Variants in MGAM observed in about 807,000 individuals in gnomAD.
MGAM encodes maltase-glucoamylase, also known as alpha-1,4-glucosidase.
MGAM carries 253 observed loss-of-function variants against 358.8 expected under a neutral mutation model. The observed-to-expected ratio is 0.71, with a 90% CI of 0.64 to 0.78. The LOEUF is 0.78. MGAM is among the 30% of genes least tolerant of loss of function. MGAM has a pLI of 0.00. For synonymous variants in MGAM, 1,105 were observed against 1,227.1 expected (o/e 0.90, Z 2.08); for missense variants, 3,080 against 3,432.6 (o/e 0.90, Z 2.57).
intron 49 of MGAM, among the ~76,000 whole-genome samples, chr7:142,080,007 C>G (rs1384692691): frequency 6.8e-6 from 1 of 146,302 alleles, no homozygotes; most frequent in Non-Finnish European, 1.5e-5. Context: ...AAATATTTGC[C>G]TCTTTCTGGC....
chr7:142,040,933 T>A, intron 21 of MGAM, 87 bp downstream of exon 21: 1 of 1,472,348 alleles, frequency 6.8e-7, no homozygotes, highest in Non-Finnish European at 9.1e-7. Context: ...AACAGCCAGG[T>A]GGTCAGCCTC....
chr7:142,028,475 G>A (rs1554461758), intron 10 of MGAM, among the ~76,000 whole-genome samples: 2 of 152,070 alleles, frequency 1.3e-5, no homozygotes, highest in African/African-American at 2.4e-5. Flanking sequence ...AGGCTGTCAG[G>A]GGAAATACTA....
intron 57 of MGAM, among the ~76,000 whole-genome samples, chr7:142,090,674 G>A (rs1328781255): frequency 6.9e-6 from 1 of 145,776 alleles, no homozygotes; most frequent in Non-Finnish European, 1.6e-5. Context: ...TCCTCATTCT[G>A]TTGCCTCCCC....
chr7:142,041,975 T>TA (rs1563145196), intron 21 of MGAM, among the ~76,000 whole-genome samples: 1 of 23,656 alleles, frequency 4.2e-5, no homozygotes, highest in Non-Finnish European at 7.8e-5. Flanking sequence ...ATATATTATA[T>TA]ATATATAATA....
intron 27 of MGAM, 37 bp downstream of exon 27, chr7:142,054,945 A>G (rs780054192): frequency 6.0e-5 from 97 of 1,605,312 alleles, no homozygotes; most frequent in Non-Finnish European, 7.8e-5. Flanking sequence ...GTTGATGGCT[A>G]CCTGCGCCTT....
chr7:142,036,876 G>A lies in MGAM; in HGVS notation c.2130G>A (p.Arg710=), dbSNP rs1554466120. The A allele has an allele frequency of 6.2e-7, 1 of 1,613,508 alleles. No individual in the cohort carries two copies. The highest frequency in any genetic ancestry group is 1.7e-5 in the Admixed American group (1 of 60,002). Residue 710 remains arginine (R), a synonymous_variant, in exon 18 of 71, where the codon AGG becomes AGA. Coordinates refer to ENST00000475668, the MANE Select transcript of MGAM (RefSeq NM_001365693.1). The part of the protein sequence containing the change: ...GADSLLLNSS[R]HYLNIRYTLL... ...ACTCCCTGCTGTTGAATTCCTCCAG[G>A]CACTACCTTAACATCCGCTATACTC...
chr7:142,070,182 G>C (rs1813219061), intron 43 of MGAM, among the ~76,000 whole-genome samples: 1 of 127,492 alleles, frequency 7.8e-6, no homozygotes, highest in Non-Finnish European at 1.8e-5. Flanking sequence ...GACGGAACCA[G>C]ACTTTGTCTC....
chr7:142,028,815 G>C (rs150055733), intron 10 of MGAM, among the ~76,000 whole-genome samples: 4 of 152,164 alleles, frequency 2.6e-5, no homozygotes, highest in African/African-American at 9.6e-5. Context: ...AAGACGTTTG[G>C]GTGGATGAAT....
chr7:141,998,316 G>A (rs1006378116), intron 1 of MGAM, among the ~76,000 whole-genome samples: 4 of 151,970 alleles, frequency 2.6e-5, no homozygotes, highest in Admixed American at 6.6e-5. Context: ...GTATACATGC[G>A]CCATGGTGGT....
Position 142,076,709 on chromosome 7 carries a change from T to C in MGAM, c.5376T>C (p.Asn1792=), listed in dbSNP as rs1813777318. 1 of 1,552,700 alleles carries C rather than the reference T, an allele frequency of 6.4e-7. No individual in the cohort carries two copies. The highest frequency in any genetic ancestry group is 1.3e-5 in the African/African-American group (1 of 74,660). ...AATCAACCTACAAGGACCCCAATAA[T>C]TTAGCATTCAATGAGATTAAAATTC... ...ISQSTYKDPN[N]LAFNEIKILG... is the part of the protein sequence containing the mutation. The change falls in exon 47 of 71, where the codon AAT becomes AAC. Residue 1792 remains asparagine, a synonymous_variant. Coordinates refer to ENST00000475668, the MANE Select transcript of MGAM (RefSeq NM_001365693.1).
At chr7:142,014,807 A>G (rs894873112) in intron 3 of MGAM, among the ~76,000 whole-genome samples, 1 of 152,128 alleles carries the variant, frequency 6.6e-6, no homozygotes, top group African/African-American at 2.4e-5. Context: ...ATTTTGCTAT[A>G]AAACTGGTAC....
In MGAM at chr7:142,053,110, G is replaced by A. The variant is rs1032527027; in HGVS notation, c.3159+126G>A. On this transcript the variant is annotated intron_variant, in intron 26 of 70. Coordinates refer to ENST00000475668, the MANE Select transcript of MGAM (RefSeq NM_001365693.1). The stretch of plus-strand genomic sequence containing the variant: ...ACAACAGACTATATCATTATCCAGA[G>A]AGCATTGAGAAATCATTGAGGGAAC... 1.2e-5 allele frequency: 13 copies of A among 1,093,514 alleles called. No homozygotes were observed. The African/African-American group carries it at 1.6e-4, about 13-fold the overall frequency. 67.7% of individuals were successfully genotyped at this position (1,093,514 alleles called of 1,614,324 possible). A position where few individuals can be genotyped will look rare whatever the true frequency, so the allele number is the denominator to read the frequency against.
rs1554465785 is a variant in MGAM at position 142,036,256 on chromosome 7, T to A, written c.2047T>A (p.Ser683Thr). The A allele has an allele frequency of 1.2e-6, 2 of 1,610,022 alleles. No homozygotes were observed. Among genetic ancestry groups the A allele is most frequent in the Non-Finnish European group, 1.7e-6 (2 of 1,178,186 alleles). The change falls in exon 17 of 71, where the codon TCT becomes ACT. Residue 683 changes from serine to threonine, a missense_variant. By Grantham distance (58) the Ser-to-Thr change is moderately conservative (BLOSUM62 1). This residue lies in a region of MGAM where 1,816 missense variants were observed against 1,840.5 expected (regional missense o/e 0.99). Coordinates refer to ENST00000475668, the MANE Select transcript of MGAM (RefSeq NM_001365693.1). ...GCAGTTGGGTGCATTTTATCCGTTT[T>A]CTAGAAATCACAATGGCCAAGGCTA... ...WMQLGAFYPF[S>T]RNHNGQGYKD... is the part of the protein sequence containing the mutation.
upstream of MGAM, among the ~76,000 whole-genome samples, chr7:141,994,720 A>G (rs1431536606): frequency 6.6e-6 from 1 of 152,168 alleles, no homozygotes; most frequent in African/African-American, 2.4e-5. Context: ...TGCTGTTCTC[A>G]TGATAGTGGG....
chr7:142,050,322 T>A (rs1810822962), intron 23 of MGAM, 38 bp downstream of exon 23: 1 of 1,592,546 alleles, frequency 6.3e-7, no homozygotes, highest in African/African-American at 1.3e-5. Flanking sequence ...GGTGTGGGCT[T>A]TGGACTGACC....
At chr7:142,022,582 G>C (rs1806565954) in intron 7 of MGAM, 143 bp downstream of exon 7, 2 of 869,428 alleles carry the variant, frequency 2.3e-6, no homozygotes, top group South Asian at 4.3e-5. Flanking sequence ...CTATTCACCA[G>C]TTACGTGGTT....
chr7:142,022,246 T>G, intron 6 of MGAM, 22 bp from the exon 7 acceptor site: 1 of 1,584,232 alleles, frequency 6.3e-7, no homozygotes, highest in Non-Finnish European at 8.6e-7. Context: ...CACCCATCCT[T>G]GTGTTCTCCA....
In MGAM at chr7:142,065,369, G is replaced by A. The variant is rs527929510; in HGVS notation, c.4519G>A (p.Val1507Ile). ...GGAGGTGACGGGACAGCGAGGGGTC[G>A]TCATCACCCGCTCCACATTTCCCTC... ...VQEVTGQRGV[V>I]ITRSTFPSSG... Residue 1507 changes from valine to isoleucine, a missense_variant, in exon 38 of 71, where the codon GTC (valine) becomes ATC (isoleucine). Physicochemically the swap from Val to Ile is conservative, Grantham distance 29. Transcript: ENST00000475668. The A allele has an allele frequency of 3.2e-5, 51 of 1,610,488 alleles. No homozygotes were observed. Among genetic ancestry groups the A allele is most frequent in the African/African-American group, 1.3e-4 (10 of 74,930 alleles).
At chr7:142,004,101 A>G (rs1433761740) in intron 1 of MGAM, among the ~76,000 whole-genome samples, 1 of 152,096 alleles carries the variant, frequency 6.6e-6, no homozygotes, top group Non-Finnish European at 1.5e-5. Context: ...TGAGGATGTA[A>G]ATTAGTACAA....
Sources: gnomAD v4.1 joint callset for allele counts (sites outside exome capture counted in the v4.1 genomes callset) on GRCh38, gnomAD v4.1.1 for gene constraint, gnomAD v4.1.1 regional missense constraint, MANE v1.5 for transcripts, NCBI Gene and HGNC (gene_info 2026-07-23, HGNC 2026-07-21) for gene names.